Variants in DYNC1I1 observed in about 807,000 individuals in gnomAD.
The protein encoded by DYNC1I1 is cytoplasmic dynein 1 intermediate chain 1.
DYNC1I1 carries 43 observed loss-of-function variants against 86.6 expected under a neutral mutation model. The observed-to-expected ratio is 0.50, with a 90% CI of 0.39 to 0.64. DYNC1I1 has a LOEUF of 0.64. DYNC1I1 is among the 30% of genes least tolerant of loss of function. DYNC1I1 has a pLI of 0.00. For missense variants in DYNC1I1, 604 were observed against 788.8 expected, an observed-to-expected ratio of 0.77 and a Z score of 2.81; for synonymous variants, 262 against 283.7, an observed-to-expected ratio of 0.92 and a Z score of 0.77.
At chr7:95,829,321 G>C (rs1342604750) in intron 5 of DYNC1I1, among the ~76,000 whole-genome samples, 1 of 152,074 alleles carries the variant, frequency 6.6e-6, no homozygotes, top group South Asian at 2.1e-4. Context: ...CTAAGCCAAG[G>C]AAATATCCTA....
chr7:96,078,362 A>G (rs1184215109), intron 15 of DYNC1I1, among the ~76,000 whole-genome samples: 1 of 152,216 alleles, frequency 6.6e-6, no homozygotes, highest in East Asian at 1.9e-4. Context: ...GAGAGAACAT[A>G]TGAATTGTTT....
At chr7:95,864,223 G>A (rs1789962152) in intron 5 of DYNC1I1, among the ~76,000 whole-genome samples, 1 of 152,180 alleles carries the variant, frequency 6.6e-6, no homozygotes, top group South Asian at 2.1e-4. Context: ...ACCAGAAATG[G>A]AAAGGGGAAT....
At chr7:96,070,843 G>C (rs1020160389) in intron 14 of DYNC1I1, among the ~76,000 whole-genome samples, 1 of 152,324 alleles carries the variant, frequency 6.6e-6, no homozygotes, top group African/African-American at 2.4e-5. Flanking sequence ...ATATTCTCTA[G>C]ATTTAACTTT....
chr7:96,094,924 C>T (rs1790957420), intron 16 of DYNC1I1, among the ~76,000 whole-genome samples: 1 of 152,108 alleles, frequency 6.6e-6, no homozygotes, highest in South Asian at 2.1e-4. Flanking sequence ...CTTGGCAAAA[C>T]AAATATCCCT....
chr7:95,964,162 A>G (rs1465030269), intron 6 of DYNC1I1, among the ~76,000 whole-genome samples: 1 of 152,202 alleles, frequency 6.6e-6, no homozygotes, highest in Non-Finnish European at 1.5e-5. Flanking sequence ...GAATTCCCAG[A>G]TGGAAAATAT....
At chr7:96,063,319 G>C (rs1230269081) in intron 14 of DYNC1I1, among the ~76,000 whole-genome samples, 1 of 152,058 alleles carries the variant, frequency 6.6e-6, no homozygotes, top group East Asian at 1.9e-4. Context: ...GTGCAGAATT[G>C]TGGGGAACTG....
At chr7:95,958,445 C>T (rs1043592810) in intron 6 of DYNC1I1, among the ~76,000 whole-genome samples, 2 of 151,842 alleles carry the variant, frequency 1.3e-5, no homozygotes, top group Non-Finnish European at 1.5e-5. Flanking sequence ...TTTTTTAAAA[C>T]ATTGGCCCGG....
chr7:96,038,153 A>T (rs896953191), intron 13 of DYNC1I1, among the ~76,000 whole-genome samples: 3 of 152,150 alleles, frequency 2.0e-5, no homozygotes, highest in Non-Finnish European at 4.4e-5. Context: ...TGCCTGTTAC[A>T]TGGAACACGC....
chr7:96,048,641 G>A (rs1388515739), intron 14 of DYNC1I1, among the ~76,000 whole-genome samples: 1 of 152,214 alleles, frequency 6.6e-6, no homozygotes, highest in East Asian at 1.9e-4. Context: ...ATCCTACAGA[G>A]CTGGTGGGGC....
chr7:95,817,208 C>T lies in DYNC1I1; in HGVS notation c.314+3871C>T, dbSNP rs113682074. Among the ~76,000 whole-genome samples, 898 of 144,480 alleles carry T rather than the reference C, an allele frequency of 6.2e-3. 8 individuals are homozygous for T. The highest frequency in any genetic ancestry group is 0.021 in the African/African-American group (829 of 38,988). The allele number at this position is 144,480 out of a possible 152,430, so 94.8% of individuals were successfully genotyped here. A position where few individuals can be genotyped will look rare whatever the true frequency, so the allele number is the denominator to read the frequency against. On this transcript the variant is annotated intron_variant, in intron 4 of 16. Coordinates refer to ENST00000447467, the MANE Select transcript of DYNC1I1 (RefSeq NM_001135556.2). ...AGACCAGCCTGGGCAACATAACATC[C>T]AAGATTAAAAAAAAAAAAAAAAGTT...
intron 10 of DYNC1I1, among the ~76,000 whole-genome samples, chr7:95,996,535 G>A (rs1229007517): frequency 2.0e-5 from 3 of 152,130 alleles, no homozygotes; most frequent in African/African-American, 7.2e-5. Flanking sequence ...GCTGGCATGG[G>A]GCAAGACTTA....
intron 6 of DYNC1I1, among the ~76,000 whole-genome samples, chr7:95,930,877 A>T (rs1205457429): frequency 1.3e-5 from 2 of 152,160 alleles, no homozygotes; most frequent in Non-Finnish European, 2.9e-5. Context: ...TCAGAGTGGG[A>T]TTCTGCCCCC....
In DYNC1I1 at chr7:96,039,349, G is replaced by A; in HGVS notation, c.1437G>A (p.Val479=). The A allele has an allele frequency of 6.2e-7, 1 of 1,614,104 alleles. No individual in the cohort carries two copies. Among genetic ancestry groups the A allele is most frequent in the Non-Finnish European group, 8.5e-7 (1 of 1,179,960 alleles). ...PVTGINCHMA[V]GPIDFSHLFV... is the part of the protein sequence containing the mutation. Reference sequence around the variant, plus strand: ...CAGGAATTAACTGCCACATGGCAGTGGGCCCAATCGACTTTTCTCACCTGT... The same window carrying A: ...CAGGAATTAACTGCCACATGGCAGTAGGCCCAATCGACTTTTCTCACCTGT... Residue 479 remains valine, a synonymous_variant, in exon 14 of 17, where the codon GTG becomes GTA. Coordinates refer to ENST00000447467, the MANE Select transcript of DYNC1I1 (RefSeq NM_001135556.2).
chr7:95,965,943 C>G (rs1384394639), intron 6 of DYNC1I1, among the ~76,000 whole-genome samples: 2 of 152,152 alleles, frequency 1.3e-5, no homozygotes, highest in Non-Finnish European at 2.9e-5. Flanking sequence ...TCTCTTAGCC[C>G]TGCTTTATCT....
At chr7:96,087,043 A>G (rs1790702201) in intron 16 of DYNC1I1, among the ~76,000 whole-genome samples, 1 of 151,824 alleles carries the variant, frequency 6.6e-6, no homozygotes, top group Non-Finnish European at 1.5e-5. Flanking sequence ...GGAGCTAAAA[A>G]GGGTTTGAGT....
chr7:96,025,842 G>GA (rs932448638), intron 10 of DYNC1I1, among the ~76,000 whole-genome samples: 1 of 89,220 alleles, frequency 1.1e-5, no homozygotes, highest in Non-Finnish European at 2.3e-5. Context: ...CAAGCTTGCG[G>GA]GGGGGGGATA....
chr7:96,003,083 T>A (rs543115715), intron 10 of DYNC1I1, among the ~76,000 whole-genome samples: 1 of 152,292 alleles, frequency 6.6e-6, no homozygotes, highest in Non-Finnish European at 1.5e-5. Context: ...GACCTTGTGA[T>A]CCTCCTGCCT....
rs1376749894 is a variant in DYNC1I1, at chr7:96,097,686, A to G, written c.*93A>G. The G allele has an allele frequency of 6.4e-7, 1 of 1,555,862 alleles. No homozygotes were observed. Among genetic ancestry groups the G allele is most frequent in the Non-Finnish European group, 8.7e-7 (1 of 1,148,370 alleles). On this transcript the variant is annotated 3_prime_UTR_variant, in exon 17 of 17. Transcript: ENST00000447467. ...CTCTTGTATTCGGTGTCCATTCAGTATCAGTATTGCTGTGATATTTTGGGT... is the reference window on the plus strand; with the variant it reads ...CTCTTGTATTCGGTGTCCATTCAGTGTCAGTATTGCTGTGATATTTTGGGT...
chr7:95,924,241 T>C (rs1401454854), intron 6 of DYNC1I1, among the ~76,000 whole-genome samples: 1 of 152,188 alleles, frequency 6.6e-6, no homozygotes, highest in Non-Finnish European at 1.5e-5. Flanking sequence ...GTAGTCCTGA[T>C]TAACATCTTA....
Sources: allele counts gnomAD v4.1 joint callset (sites outside exome capture counted in the v4.1 genomes callset), GRCh38; gene constraint gnomAD v4.1.1; transcripts MANE v1.5; gene names NCBI Gene and HGNC (gene_info 2026-07-23, HGNC 2026-07-21).